PDLIM5: variants seen among roughly 807,000 people sequenced by gnomAD.
PDLIM5 encodes PDZ and LIM domain 5, also known as PDZ and LIM domain protein 5.
A neutral mutation model predicts 64.2 loss-of-function variants in PDLIM5; 34 were observed. The observed-to-expected ratio is 0.53, with a 90% CI of 0.40 to 0.71. The LOEUF (loss-of-function observed/expected upper bound fraction) is 0.71, where lower values mean the gene tolerates loss of function less well. Among genes scored for constraint, PDLIM5 ranks in the 30% least tolerant of loss-of-function variants. PDLIM5 has a pLI of 0.00. For missense variants in PDLIM5, 683 were observed against 733.6 expected, an observed-to-expected ratio of 0.93 and a Z score of 0.80; for synonymous variants, 253 against 269.1, an observed-to-expected ratio of 0.94 and a Z score of 0.59.
At chr4:94,482,231 G>A (rs1318722157) in intron 2 of PDLIM5, among the ~76,000 whole-genome samples, 2 of 151,580 alleles carry the variant, frequency 1.3e-5, no homozygotes, top group Non-Finnish European at 2.9e-5. Flanking sequence ...GTGCAGTGGT[G>A]CAATTATAGC....
At chr4:94,557,590 G>C (rs1273295778) in intron 3 of PDLIM5, among the ~76,000 whole-genome samples, 2 of 152,092 alleles carry the variant, frequency 1.3e-5, no homozygotes, top group Non-Finnish European at 2.9e-5. Context: ...ATTGAGCAGT[G>C]GTTTGTAGTT....
chr4:94,471,335 G>A (rs926586762), intron 2 of PDLIM5, among the ~76,000 whole-genome samples: 1 of 151,326 alleles, frequency 6.6e-6, no homozygotes, highest in Non-Finnish European at 1.5e-5. Flanking sequence ...AGATAGTTTC[G>A]TAAAAGATTT....
intron 3 of PDLIM5, among the ~76,000 whole-genome samples, chr4:94,543,180 C>T (rs541750878): frequency 2.8e-4 from 43 of 152,276 alleles, no homozygotes; most frequent in South Asian, 1.0e-3. Flanking sequence ...AATTTATTCT[C>T]TCCCAGTTCT....
rs913897537 is a variant in PDLIM5 at position 94,657,695 on chromosome 4, A to G, written c.1585+148A>G. The G allele has an allele frequency of 1.5e-5, 8 of 544,722 alleles. No individual in the cohort carries two copies. In the African/African-American group the frequency reaches 1.5e-4, roughly 10 times the overall value. The allele number at this position is 544,722 out of a possible 1,614,324, so 33.7% of individuals were successfully genotyped here. On this transcript the variant is annotated intron_variant, in intron 11 of 12. Coordinates refer to ENST00000317968, the MANE Select transcript of PDLIM5 (RefSeq NM_006457.5). ...TTAATGCTGCTCTAAGCATGTAGAA[A>G]AAACTATGTAGATTTTTTTTTTTCT... is the stretch of plus-strand genomic sequence containing the variant.
intron 7 of PDLIM5, among the ~76,000 whole-genome samples, chr4:94,589,615 G>GT (rs1182801440): frequency 4.6e-5 from 7 of 152,062 alleles, no homozygotes; most frequent in South Asian, 2.1e-4. Flanking sequence ...TTTATGACTT[G>GT]TTTTTGTTTG....
intron 2 of PDLIM5, among the ~76,000 whole-genome samples, chr4:94,470,031 A>G (rs1368609292): frequency 8.1e-6 from 1 of 122,722 alleles, no homozygotes; most frequent in African/African-American, 3.2e-5. Flanking sequence ...CAGTGGCGTG[A>G]TCTCGACTCA....
At chr4:94,494,692 G>A (rs1279175482) in intron 2 of PDLIM5, among the ~76,000 whole-genome samples, 6 of 150,824 alleles carry the variant, frequency 4.0e-5, no homozygotes, top group East Asian at 2.0e-4. Flanking sequence ...CACCTGCTTC[G>A]GCCTCCCAAA....
chr4:94,585,638 A>G lies in PDLIM5; in HGVS notation c.784A>G (p.Lys262Glu), dbSNP rs773432259. 3 of 1,613,292 alleles carry G rather than the reference A, an allele frequency of 1.9e-6. No individual in the cohort carries two copies. Among genetic ancestry groups the G allele is most frequent in the South Asian group, 1.1e-5 (1 of 91,028 alleles). ...ACCCACTCACAGTGATGCCAGCAAG[A>G]AGAGACTGATTGAGGATACTGAAGA... The part of the protein sequence containing the change: ...HVPTHSDASK[K>E]RLIEDTEDWR... The change falls in exon 6 of 13, where the codon AAG (lysine) becomes GAG (glutamate). Residue 262 changes from lysine (K) to glutamate (E), a missense_variant. Coordinates refer to ENST00000317968, the MANE Select transcript of PDLIM5 (RefSeq NM_006457.5).
intron 7 of PDLIM5, chr4:94,587,956 G>A: frequency 1.0e-6 from 1 of 981,036 alleles, no homozygotes; most frequent in Non-Finnish European, 1.2e-6. Flanking sequence ...AAACTACTGT[G>A]CACTGCTGCT....
At chr4:94,573,652 C>A in intron 4 of PDLIM5, 1 of 470,538 alleles carries the variant, frequency 2.1e-6, no homozygotes, top group East Asian at 3.6e-5. Flanking sequence ...CATTTCTATT[C>A]ACTTTTGATG....
In PDLIM5 at chr4:94,647,202, G is replaced by C. The variant is rs1461930133; in HGVS notation, c.1283+6752G>C. Among the ~76,000 whole-genome samples the C allele has an allele frequency of 5.3e-5, 8 of 152,292 alleles. No individual in the cohort carries two copies. In the South Asian group the frequency reaches 1.7e-3, roughly 32 times the overall value. ...TATATCACACACTCCAGCTAAAAGA[G>C]AGAGTGGAAGGGTAGATAAAATTAT... On this transcript the variant is annotated intron_variant, in intron 9 of 12. Transcript: ENST00000317968.
At chr4:94,647,245 T>A (rs530001419) in intron 9 of PDLIM5, among the ~76,000 whole-genome samples, 7 of 152,134 alleles carry the variant, frequency 4.6e-5, no homozygotes, top group Middle Eastern at 3.2e-3. Flanking sequence ...CTATAAGTTG[T>A]CTACAAGAGA....
intron 5 of PDLIM5, among the ~76,000 whole-genome samples, chr4:94,576,779 T>C (rs1457079428): frequency 6.6e-6 from 1 of 152,208 alleles, no homozygotes; most frequent in African/African-American, 2.4e-5. Context: ...GGGGTATCTT[T>C]TTATTAAAAA....
intron 3 of PDLIM5, among the ~76,000 whole-genome samples, chr4:94,527,097 C>T (rs189428756): frequency 6.0e-4 from 78 of 130,070 alleles, no homozygotes; most frequent in African/African-American, 2.0e-3. Context: ...CACACTGTCA[C>T]CCGGGCTGAA....
intron 8 of PDLIM5, among the ~76,000 whole-genome samples, chr4:94,622,626 CTCCCTCCCTCCT>C (rs1739326317): frequency 6.6e-6 from 1 of 151,648 alleles, no homozygotes; most frequent in South Asian, 2.1e-4. Flanking sequence ...TTTTCCCTCT[CTCCCTCCCTCCT>C]TCCCTCCCTC....
chr4:94,569,324 T>TGTTTGTTC (rs1553960066), intron 3 of PDLIM5, among the ~76,000 whole-genome samples: 11 of 124,572 alleles, frequency 8.8e-5, no homozygotes, highest in African/African-American at 2.8e-4. Flanking sequence ...TTCGTTTGTT[T>TGTTTGTTC]GTTTGTTCGT....
At chr4:94,629,208 G>C (rs1053531613) in intron 8 of PDLIM5, among the ~76,000 whole-genome samples, 7 of 152,102 alleles carry the variant, frequency 4.6e-5, no homozygotes, top group Non-Finnish European at 8.8e-5. Context: ...AATAAGCTGG[G>C]CGTGGTGGCG....
At chr4:94,544,825 T>C (rs781070456) in intron 3 of PDLIM5, among the ~76,000 whole-genome samples, 14 of 152,204 alleles carry the variant, frequency 9.2e-5, no homozygotes, top group Non-Finnish European at 1.9e-4. Context: ...CCGGCTAATA[T>C]CTTGTCAGCT....
At position 94,608,007 on chromosome 4, in the gene PDLIM5, A is replaced by G. The variant is rs935065727; in HGVS notation, c.921-9997A>G. ...GGTATAGATGATAAATGTCTTTTGT[A>G]CTTTTCATTAATATTTCCTTTGCCT... On this transcript the variant is annotated intron_variant, in intron 7 of 12. Coordinates refer to ENST00000317968, the MANE Select transcript of PDLIM5 (RefSeq NM_006457.5). The G allele has an allele frequency of 5.5e-5, 73 of 1,323,972 alleles. No homozygotes were observed. The East Asian group carries it at 1.2e-3, about 21-fold the overall frequency. The allele number at this position is 1,323,972 out of a possible 1,614,324, so 82.0% of individuals were successfully genotyped here.
Sources: gnomAD v4.1 joint callset for allele counts (sites outside exome capture counted in the v4.1 genomes callset) on GRCh38, gnomAD v4.1.1 for gene constraint, MANE v1.5 for transcripts, NCBI Gene and HGNC (gene_info 2026-07-23, HGNC 2026-07-21) for gene names.